Variants in ABL2 observed in about 807,000 individuals in gnomAD.
ABL2 encodes the protein ABL proto-oncogene 2, non-receptor tyrosine kinase, also known as tyrosine-protein kinase ABL2.
A neutral mutation model predicts 107.7 loss-of-function variants in ABL2; 49 were observed. That is an observed-to-expected ratio of 0.45 (90% CI 0.36 to 0.58). The LOEUF is 0.58. ABL2 is among the 20% of genes least tolerant of loss of function. ABL2 has a pLI of 0.00. For synonymous variants in ABL2, 549 were observed against 548.6 expected (o/e 1.00, Z -0.01); for missense variants, 1,245 against 1,457.0 (o/e 0.85, Z 2.37).
intron 1 of ABL2, among the ~76,000 whole-genome samples, chr1:179,149,787 TAA>T (rs1557957106): frequency 6.6e-6 from 1 of 152,246 alleles, no homozygotes; most frequent in African/African-American, 2.4e-5. Flanking sequence ...CAGCTCAGAA[TAA>T]AAAAGATTCC....
At chr1:179,187,857 G>A (rs556639180) in intron 1 of ABL2, among the ~76,000 whole-genome samples, 1 of 152,148 alleles carries the variant, frequency 6.6e-6, no homozygotes, top group East Asian at 1.9e-4. Flanking sequence ...AGAGTTTATT[G>A]TCCACAAATC....
intron 1 of ABL2, among the ~76,000 whole-genome samples, chr1:179,176,569 T>A (rs1037233439): frequency 6.6e-6 from 1 of 152,182 alleles, no homozygotes; most frequent in Non-Finnish European, 1.5e-5. Context: ...TGTTATAAAG[T>A]TCTATTTAAG....
intron 3 of ABL2, among the ~76,000 whole-genome samples, chr1:179,129,069 T>C (rs913312377): frequency 6.6e-6 from 1 of 152,228 alleles, no homozygotes; most frequent in Non-Finnish European, 1.5e-5. Context: ...TAAATATATT[T>C]TCTTGTCTTT....
intron 4 of ABL2, among the ~76,000 whole-genome samples, chr1:179,125,561 T>G (rs974698963): frequency 2.6e-5 from 4 of 152,234 alleles, no homozygotes; most frequent in Admixed American, 2.6e-4. Flanking sequence ...TATGTCTGTA[T>G]GCTGGTGCAA....
At chr1:179,168,600 T>C (rs753386196) in intron 1 of ABL2, among the ~76,000 whole-genome samples, 2 of 152,226 alleles carry the variant, frequency 1.3e-5, no homozygotes, top group Non-Finnish European at 2.9e-5. Flanking sequence ...TTGCAAAGCA[T>C]GTGCAACAGA....
intron 1 of ABL2, among the ~76,000 whole-genome samples, chr1:179,208,691 T>C (rs1662110683): frequency 6.6e-6 from 1 of 152,198 alleles, no homozygotes; most frequent in Admixed American, 6.5e-5. Flanking sequence ...CCAAATGTCC[T>C]TGTCTGTAAA....
chr1:179,225,460 A>C (rs1291279903), intron 1 of ABL2, among the ~76,000 whole-genome samples: 2 of 152,208 alleles, frequency 1.3e-5, no homozygotes, highest in Non-Finnish European at 2.9e-5. Context: ...GTAAAGGTCA[A>C]ATGATACATC....
At position 179,107,814 on chromosome 1, in the gene ABL2, C is replaced by T. The variant is rs367997091; in HGVS notation, c.3453G>A (p.Gln1151=). The T allele has an allele frequency of 6.2e-7, 1 of 1,614,210 alleles. No individual in the cohort carries two copies. The highest frequency in any genetic ancestry group is 1.7e-5 in the Admixed American group (1 of 60,030). Residue 1151 remains glutamine (Q), a synonymous_variant, in exon 12 of 12, where the codon CAG becomes CAA. Coordinates refer to ENST00000502732, the MANE Select transcript of ABL2 (RefSeq NM_007314.4). ...GCACACCAGCAGCTGCTGAAGAAAC[C>T]TGTAGCTCCTGCAGGCTGAGTTCCA... The part of the protein sequence containing the change: ...SKLELSLQEL[Q]VSSAAAGVPG...
rs1572597038 is a variant in ABL2 at position 179,107,510 on chromosome 1, C to A, written c.*208G>T. ...ACCCTGTCCACTACTGCCTTGCCCC[C>A]ACTTAATTTACCTCTCCTATACTTA... On this transcript the variant is annotated 3_prime_UTR_variant, in exon 12 of 12. Transcript: ENST00000502732. The A allele has an allele frequency of 1.0e-6, 1 of 966,306 alleles. No individual in the cohort carries two copies. Among genetic ancestry groups the A allele is most frequent in the Non-Finnish European group, 1.4e-6 (1 of 694,762 alleles). The allele number at this position is 966,306 out of a possible 1,614,324, so 59.9% of individuals were successfully genotyped here.
In ABL2 at chr1:179,108,210, C is replaced by T; in HGVS notation, c.3057G>A (p.Gln1019=). ...CCAGAGCTGCCTTCTTTCCTCCTTC[C>T]TGTGTTTCTGATGTGGACTGTCCTG... ...LTAGQSTSET[Q]EGGKKAALGA... is the part of the protein sequence containing the mutation. Residue 1019 remains glutamine, a synonymous_variant, in exon 12 of 12, where the codon CAG becomes CAA. Transcript: ENST00000502732. 6.2e-7 allele frequency: 1 copy of T among 1,614,046 alleles called. No individual in the cohort carries two copies. Among genetic ancestry groups the T allele is most frequent in the Non-Finnish European group, 8.5e-7 (1 of 1,180,024 alleles).
At chr1:179,138,361 AG>A (rs1415384085) in intron 1 of ABL2, among the ~76,000 whole-genome samples, 1 of 152,182 alleles carries the variant, frequency 6.6e-6, no homozygotes. Context: ...GGCCTCCCAA[AG>A]TACTGCGATT....
At chr1:179,176,309 C>T (rs1012788693) in intron 1 of ABL2, among the ~76,000 whole-genome samples, 19 of 152,042 alleles carry the variant, frequency 1.2e-4, no homozygotes, top group Non-Finnish European at 2.2e-4. Flanking sequence ...AATAATTTAA[C>T]CATACATTTT....
At chr1:179,217,779 C>T (rs962437980) in intron 1 of ABL2, among the ~76,000 whole-genome samples, 2 of 152,188 alleles carry the variant, frequency 1.3e-5, no homozygotes, top group Admixed American at 1.3e-4. Context: ...TCCATAGCCA[C>T]ATACTATACA....
intron 1 of ABL2, among the ~76,000 whole-genome samples, chr1:179,191,661 A>T (rs1005468914): frequency 5.3e-5 from 8 of 152,070 alleles, no homozygotes; most frequent in African/African-American, 1.9e-4. Flanking sequence ...ACCTCAGGTG[A>T]TATCCACCCA....
chr1:179,126,558 T>C lies in ABL2; in HGVS notation c.506A>G (p.Glu169Gly), dbSNP rs1655736242. The change falls in exon 4 of 12, where the codon GAA becomes GGA. Residue 169 changes from glutamate (E) to glycine (G), a missense_variant. Physicochemically the swap from Glu to Gly is moderately conservative, Grantham distance 98 (BLOSUM62 -2). Transcript: ENST00000502732. This position sits in a 1 kb window ranked among gnomAD's most constrained non-coding sequence, Gnocchi z 4.4. Reference sequence around the variant, plus strand: ...AGGTCCATGGTACCAGGAGTGTTTTTCCAGGCTGTTCACTGGGGTGATGTA... The same window carrying C: ...AGGTCCATGGTACCAGGAGTGTTTTCCCAGGCTGTTCACTGGGGTGATGTA... ...SNYITPVNSLEKHSWYHGPVS... is the reference protein window; with the variant it reads ...SNYITPVNSLGKHSWYHGPVS... 1.9e-6 allele frequency: 3 copies of C among 1,614,222 alleles called. No homozygotes were observed. Among genetic ancestry groups the C allele is most frequent in the Non-Finnish European group, 2.5e-6 (3 of 1,180,044 alleles).
intron 1 of ABL2, among the ~76,000 whole-genome samples, chr1:179,208,965 A>G (rs1440107657): frequency 1.3e-5 from 2 of 152,228 alleles, no homozygotes; most frequent in Non-Finnish European, 2.9e-5. Flanking sequence ...AGCAAAAAAT[A>G]GGCACTAACA....
chr1:179,134,943 G>A (rs185125091), intron 1 of ABL2, among the ~76,000 whole-genome samples: 3,629 of 152,356 alleles, frequency 0.024, 115 homozygotes, highest in Admixed American at 0.064. Flanking sequence ...TGTTGGCCGC[G>A]CTGGTCTCCA....
intron 1 of ABL2, among the ~76,000 whole-genome samples, chr1:179,197,549 C>T (rs1223217753): frequency 5.8e-5 from 8 of 136,808 alleles, no homozygotes; most frequent in African/African-American, 5.5e-5. Context: ...AATACACCTG[C>T]TTGGTTCAAA....
At chr1:179,209,059 T>C (rs1009726393) in intron 1 of ABL2, among the ~76,000 whole-genome samples, 1 of 152,156 alleles carries the variant, frequency 6.6e-6, no homozygotes, top group Non-Finnish European at 1.5e-5. Flanking sequence ...GGCACACTAG[T>C]CCAAAATACA....
Sources: allele counts gnomAD v4.1 joint callset (sites outside exome capture counted in the v4.1 genomes callset), GRCh38; gene constraint gnomAD v4.1.1; non-coding constraint Gnocchi (gnomAD v3.1); transcripts MANE v1.5; gene names NCBI Gene and HGNC (gene_info 2026-07-23, HGNC 2026-07-21).